Variants in IWS1 observed in about 807,000 individuals in gnomAD.
The protein encoded by IWS1 is interacts with SUPT6H, CTD assembly factor 1.
Under a neutral mutation model 86.7 loss-of-function variants are expected in IWS1, and 27 were observed. The observed-to-expected ratio is 0.31, with a 90% CI of 0.23 to 0.43. The LOEUF (loss-of-function observed/expected upper bound fraction) is 0.43. Among genes scored for constraint, IWS1 ranks in the 20% least tolerant of loss-of-function variants. The probability of loss-of-function intolerance (pLI) is 1.00; values close to 1 mark genes in which losing one functional copy is unlikely to be tolerated. For synonymous variants in IWS1, 313 were observed against 335.1 expected (o/e 0.93, Z 0.72); for missense variants, 827 against 1,000.8 (o/e 0.83, Z 2.34).
chr2:127,502,894 A>G (rs755505938), intron 4 of IWS1, 22 bp from the exon 5 acceptor site: 2 of 1,386,106 alleles, frequency 1.4e-6, no homozygotes, highest in Admixed American at 3.5e-5. Context: ...ACAAATGTAA[A>G]AACATTCATT....
At chr2:127,518,201 G>C (rs1691879826) in intron 2 of IWS1, among the ~76,000 whole-genome samples, 1 of 152,208 alleles carries the variant, frequency 6.6e-6, no homozygotes, top group African/African-American at 2.4e-5. Context: ...AAATTGTATA[G>C]TATGTAAATT....
chr2:127,521,970 A>G (rs1692121437), intron 2 of IWS1, among the ~76,000 whole-genome samples: 1 of 152,244 alleles, frequency 6.6e-6, no homozygotes, highest in South Asian at 2.1e-4. Flanking sequence ...AACTTAAAAT[A>G]TCATGCACTA....
Position 127,496,101 on chromosome 2 carries a change from C to T in IWS1, c.1613G>A (p.Ser538Asn), listed in dbSNP as rs145891094. ...GTTCCGTCTGCGCTTGCCACTCATG[C>T]TCTTTTTTCGCTGCAACATCATCTC... is the stretch of plus-strand genomic sequence containing the variant. The part of the protein sequence containing the change: ...DFEMMLQRKK[S>N]MSGKRRRNRD... The change falls in exon 7 of 14, where the codon AGC becomes AAC. Residue 538 changes from serine (S) to asparagine (N), a missense_variant. By Grantham distance (46) the Ser-to-Asn change is conservative. This residue lies in a region of IWS1 where 279 missense variants were observed against 440.6 expected (regional missense o/e 0.63). Coordinates refer to ENST00000295321, the MANE Select transcript of IWS1 (RefSeq NM_017969.3). 2.5e-6 allele frequency: 4 copies of T among 1,613,868 alleles called. No individual in the cohort carries two copies. Among genetic ancestry groups the T allele is most frequent in the Non-Finnish European group, 3.4e-6 (4 of 1,179,968 alleles).
intron 2 of IWS1, among the ~76,000 whole-genome samples, chr2:127,520,827 C>T (rs1313627523): frequency 6.6e-6 from 1 of 152,162 alleles, no homozygotes; most frequent in African/African-American, 2.4e-5. Context: ...AGCTAAACAG[C>T]ATAAATGACA....
rs919125369 is a variant in IWS1 at position 127,489,901 on chromosome 2, T to C, written c.2090A>G (p.Lys697Arg). 1 of 1,612,674 alleles carries C rather than the reference T, an allele frequency of 6.2e-7. No homozygotes were observed. Among genetic ancestry groups the C allele is most frequent in the Non-Finnish European group, 8.5e-7 (1 of 1,178,704 alleles). Reference sequence around the variant, plus strand: ...CTCCCTTTCTTCTCTTGTCATTCCTTTGTAGTTTGAGGTAAGACCAAATAT... The same window carrying C: ...CTCCCTTTCTTCTCTTGTCATTCCTCTGTAGTTTGAGGTAAGACCAAATAT... ...RPIFGLTSNY[K>R]GMTREEREQR... Residue 697 changes from lysine (K) to arginine (R), a missense_variant, in exon 11 of 14, where the codon AAA (lysine) becomes AGA (arginine). Physicochemically the swap from Lys to Arg is conservative, Grantham distance 26 (BLOSUM62 2). Transcript: ENST00000295321. This position sits in a 1 kb window ranked among gnomAD's most constrained non-coding sequence, Gnocchi z 4.8.
chr2:127,504,899 C>T lies in IWS1; in HGVS notation c.1004G>A (p.Arg335Lys), dbSNP rs146708771. 5.3e-5 allele frequency: 86 copies of T among 1,614,062 alleles called. No homozygotes were observed. The highest frequency in any genetic ancestry group is 6.9e-5 in the Non-Finnish European group (82 of 1,180,052). ...TTCTGTATCCTCTCCCTTATTCTCC[C>T]TGTCGCTGTCATCATCTGACTCTGG... Reference protein sequence around the residue: ...QKPESDDDSDRENKGEDTEMQ... With the variant: ...QKPESDDDSDKENKGEDTEMQ... Residue 335 changes from arginine (R) to lysine (K), a missense_variant, in exon 3 of 14, where the codon AGG (arginine) becomes AAG (lysine). Physicochemically the swap from Arg to Lys is conservative, Grantham distance 26 (BLOSUM62 2). Coordinates refer to ENST00000295321, the MANE Select transcript of IWS1 (RefSeq NM_017969.3).
chr2:127,487,766 G>A (rs1480664229), intron 12 of IWS1, among the ~76,000 whole-genome samples: 1 of 152,104 alleles, frequency 6.6e-6, no homozygotes, highest in South Asian at 2.1e-4. Context: ...TAGCCAGGAT[G>A]GTCTCAACCT....
At chr2:127,513,078 T>C (rs913644679) in intron 2 of IWS1, among the ~76,000 whole-genome samples, 61 of 152,200 alleles carry the variant, frequency 4.0e-4, no homozygotes, top group Admixed American at 3.7e-3. Flanking sequence ...CTGTCTCTAC[T>C]AAAAATACAA....
At chr2:127,490,939 C>G (rs891284153) in intron 10 of IWS1, 1 of 152,154 alleles carries the variant, frequency 6.6e-6, no homozygotes, top group African/African-American at 2.4e-5. Context: ...TCTATTCGAA[C>G]GTAGTAGTTA....
At chr2:127,501,266 CA>C (rs1435763613) in intron 5 of IWS1, among the ~76,000 whole-genome samples, 3 of 152,096 alleles carry the variant, frequency 2.0e-5, no homozygotes, top group Non-Finnish European at 4.4e-5. Flanking sequence ...TCTAGGTTTG[CA>C]GTTAGTAGAT....
rs984445323 is a variant in IWS1 at position 127,499,821 on chromosome 2, TAC to T, written c.1468-1586_1468-1585del. 1.3e-5 allele frequency among the ~76,000 whole-genome samples: 2 copies of T among 152,208 alleles called. No homozygotes were observed. The highest frequency in any genetic ancestry group is 3.4e-3 in the Middle Eastern group (1 of 294). ...AGCGGCAAACAGATTGGAAAATATATACAGACACTTGATATATGACAAAGATG... is the reference window on the plus strand; with the variant it reads ...AGCGGCAAACAGATTGGAAAATATATAGACACTTGATATATGACAAAGATG... On this transcript the variant is annotated intron_variant, in intron 5 of 13. Coordinates refer to ENST00000295321, the MANE Select transcript of IWS1 (RefSeq NM_017969.3). This position sits in a 1 kb window ranked among gnomAD's most constrained non-coding sequence, Gnocchi z 4.0.
intron 13 of IWS1, among the ~76,000 whole-genome samples, chr2:127,483,644 GT>G: frequency 1.7e-5 from 2 of 119,386 alleles, no homozygotes; most frequent in Non-Finnish European, 3.4e-5. Flanking sequence ...GTGTGTGTGT[GT>G]GTGTTTTCTA....
rs139314528 is a variant in IWS1, at chr2:127,483,182, A to C, written c.2329-2007T>G. On this transcript the variant is annotated intron_variant, in intron 13 of 13. Coordinates refer to ENST00000295321, the MANE Select transcript of IWS1 (RefSeq NM_017969.3). The stretch of plus-strand genomic sequence containing the variant: ...ATGCTTTCTGTATTTTTAAAAGTTC[A>C]TGAAAAAATAGGCATTCCTTTGTCA... 4.7e-3 allele frequency among the ~76,000 whole-genome samples: 718 copies of C among 152,368 alleles called. 6 individuals are homozygous for C. Among genetic ancestry groups the C allele is most frequent in the African/African-American group, 0.017 (689 of 41,594 alleles).
rs1006075362 is a variant in IWS1, at chr2:127,489,334, A to G, written c.2160-99T>C. ...TCAAACTTAGACCATAACTATTAAT[A>G]GCTCTTTTACGATGGATCAGGGAAA... On this transcript the variant is annotated intron_variant, in intron 11 of 13. Transcript: ENST00000295321. This position sits in a 1 kb window ranked among gnomAD's most constrained non-coding sequence, Gnocchi z 4.8. The G allele has an allele frequency of 4.5e-5, 35 of 783,740 alleles. No homozygotes were observed. In the African/African-American group the frequency reaches 5.4e-4, roughly 12 times the overall value. The allele number at this position is 783,740 out of a possible 1,614,324, so 48.5% of individuals were successfully genotyped here.
chr2:127,509,455 T>A (rs1243484847), intron 2 of IWS1, among the ~76,000 whole-genome samples: 1 of 152,104 alleles, frequency 6.6e-6, no homozygotes. Context: ...ACGCCTGTAA[T>A]CCCAGCACTT....
rs192354524 is a variant in IWS1 at position 127,515,284 on chromosome 2, C to T, written c.150+8392G>A. The stretch of plus-strand genomic sequence containing the variant: ...TGTGTTACTAGCATTTCATTTAATG[C>T]CCAGTAACCAAGATGCTAAATGTCC... On this transcript the variant is annotated intron_variant, in intron 2 of 13. Coordinates refer to ENST00000295321, the MANE Select transcript of IWS1 (RefSeq NM_017969.3). Among the ~76,000 whole-genome samples the T allele has an allele frequency of 1.2e-3, 188 of 152,234 alleles. 1 individual carries two copies. The highest frequency in any genetic ancestry group is 6.8e-3 in the Middle Eastern group (2 of 294).
intron 5 of IWS1, among the ~76,000 whole-genome samples, chr2:127,501,190 GTTAA>G (rs1286164732): frequency 1.3e-5 from 2 of 152,010 alleles, no homozygotes; most frequent in South Asian, 2.1e-4. Context: ...CTGGTACACT[GTTAA>G]TTAATTCCCT....
chr2:127,523,844 A>G, intron 1 of IWS1, 53 bp from the exon 2 acceptor site: 1 of 1,204,718 alleles, frequency 8.3e-7, no homozygotes, highest in South Asian at 1.3e-5. Context: ...AATGACATCT[A>G]CAGTGAAATG....
At position 127,504,765 on chromosome 2, in the gene IWS1, CT is replaced by C. The variant is rs1691022182; in HGVS notation, c.1137del (p.Asp380MetfsTer10). On this transcript the variant is annotated frameshift_variant, in exon 3 of 14. Transcript: ENST00000295321. LOFTEE classifies it high-confidence loss of function. ...TTCTCCTCCTCACCCTCTTTTTCAT[CT>C]TCATCACTGTCCATTTTTTGCTTTT... ...EHKKQKMDSD[E>X]DEKEGEEEKV... 1 of 1,613,980 alleles carries C rather than the reference CT, an allele frequency of 6.2e-7. No individual in the cohort carries two copies. Among genetic ancestry groups the C allele is most frequent in the Non-Finnish European group, 8.5e-7 (1 of 1,180,010 alleles).
Sources: gnomAD v4.1 joint callset for allele counts (sites outside exome capture counted in the v4.1 genomes callset) on GRCh38, gnomAD v4.1.1 for gene constraint, gnomAD v4.1.1 regional missense constraint, Gnocchi (gnomAD v3.1) non-coding constraint, MANE v1.5 for transcripts, NCBI Gene and HGNC (gene_info 2026-07-23, HGNC 2026-07-21) for gene names.